The following SAMD4A variants were observed in gnomAD, a reference collection of about 807,000 sequenced individuals.
The protein encoded by SAMD4A is sterile alpha motif domain containing 4A, also known as protein Smaug homolog 1.
Under a neutral mutation model 81.3 loss-of-function variants are expected in SAMD4A, and 33 were observed. The ratio of observed to expected loss-of-function variants is 0.41; its 90% CI spans 0.31 to 0.54. The LOEUF is 0.54. SAMD4A is among the 20% of genes least tolerant of loss of function. The probability of loss-of-function intolerance (pLI) is 0.37; values close to 1 mark genes in which losing one functional copy is unlikely to be tolerated. For synonymous variants in SAMD4A, 389 were observed against 382.1 expected (o/e 1.02, Z -0.21); for missense variants, 854 against 951.1 (o/e 0.90, Z 1.34).
At chr14:54,740,950 C>G (rs1441804760) in intron 4 of SAMD4A, among the ~76,000 whole-genome samples, 1 of 152,156 alleles carries the variant, frequency 6.6e-6, no homozygotes, top group Non-Finnish European at 1.5e-5. Flanking sequence ...AAAATGAGAT[C>G]CACAATTTAG....
intron 8 of SAMD4A, among the ~76,000 whole-genome samples, chr14:54,765,816 C>T (rs185142803): frequency 1.3e-5 from 2 of 152,120 alleles, no homozygotes; most frequent in Non-Finnish European, 1.5e-5. Flanking sequence ...GAAGTTCTCA[C>T]GGCCCTCACC....
Position 54,603,746 on chromosome 14 carries a change from C to A in SAMD4A, c.196+35634C>A, listed in dbSNP as rs1594720378. Among the ~76,000 whole-genome samples, 5 of 145,360 alleles carry A rather than the reference C, an allele frequency of 3.4e-5. No individual in the cohort carries two copies. The South Asian group carries it at 1.1e-3, about 31-fold the overall frequency. On this transcript the variant is annotated intron_variant, in intron 2 of 12. Transcript: ENST00000554335. Reference sequence around the variant, plus strand: ...TTGGTGCATTCAGCATCCTAGAAGGCCTTTTCTTTAAAAAAAAAAAAAAGA... The same window carrying A: ...TTGGTGCATTCAGCATCCTAGAAGGACTTTTCTTTAAAAAAAAAAAAAAGA...
intron 2 of SAMD4A, among the ~76,000 whole-genome samples, chr14:54,598,086 G>A (rs1355804954): frequency 6.6e-6 from 1 of 152,118 alleles, no homozygotes; most frequent in African/African-American, 2.4e-5. Flanking sequence ...ATCTTGTTGG[G>A]GACACAGTCT....
rs531031457 is a variant in SAMD4A, at chr14:54,590,015, A to G, written c.196+21903A>G. On this transcript the variant is annotated intron_variant, in intron 2 of 12. Transcript: ENST00000554335. ...AACCGTATGCTAGAACGTAAGGTCCATGAGATGAGGGTGCTGTCGATTTTG... is the reference window on the plus strand; with the variant it reads ...AACCGTATGCTAGAACGTAAGGTCCGTGAGATGAGGGTGCTGTCGATTTTG... Among the ~76,000 whole-genome samples the G allele has an allele frequency of 1.3e-3, 192 of 152,364 alleles. 1 individual carries two copies. The highest frequency in any genetic ancestry group is 3.4e-3 in the Middle Eastern group (1 of 294).
intron 3 of SAMD4A, among the ~76,000 whole-genome samples, chr14:54,706,280 CAAAA>C (rs112193724): frequency 6.3e-5 from 7 of 110,400 alleles, no homozygotes; most frequent in East Asian, 5.0e-4. Context: ...GACTTAGTCT[CAAAA>C]AAAAAAAAAA....
chr14:54,651,932 T>C (rs1020243952), intron 2 of SAMD4A, among the ~76,000 whole-genome samples: 8 of 152,244 alleles, frequency 5.3e-5, no homozygotes, highest in African/African-American at 1.7e-4. Flanking sequence ...TCCAGGACCG[T>C]ATCCTTTAGG....
Position 54,567,862 on chromosome 14 carries a change from C to A in SAMD4A, c.-55C>A. The A allele has an allele frequency of 8.0e-7, 1 of 1,249,468 alleles. No individual in the cohort carries two copies. The allele number at this position is 1,249,468 out of a possible 1,614,324, so 77.4% of individuals were successfully genotyped here. A position where few individuals can be genotyped will look rare whatever the true frequency, so the allele number is the denominator to read the frequency against. On this transcript the variant is annotated 5_prime_UTR_variant, in exon 2 of 13. Transcript: ENST00000554335. ...CGGCTCCGCCAAACTTTGGGGCGGG[C>A]GGGGCGGGCTGGGGCGCCCAGGGGG...
At chr14:54,588,459 C>T (rs1001343393) in intron 2 of SAMD4A, among the ~76,000 whole-genome samples, 4 of 151,848 alleles carry the variant, frequency 2.6e-5, no homozygotes, top group Non-Finnish European at 4.4e-5. Flanking sequence ...TTCTCCAGTT[C>T]CATGAGGTGT....
rs531561864 is a variant in SAMD4A, at chr14:54,750,726, A to G, written c.1090-725A>G. On this transcript the variant is annotated intron_variant, in intron 5 of 12. Transcript: ENST00000554335. ...GTAAAAACACAGGGAGGGTTTGAGAAAGCCATGAATATCTATATGGGGTTG... is the reference window on the plus strand; with the variant it reads ...GTAAAAACACAGGGAGGGTTTGAGAGAGCCATGAATATCTATATGGGGTTG... Among the ~76,000 whole-genome samples the G allele has an allele frequency of 3.0e-3, 454 of 152,328 alleles. 5 individuals carry two copies. Among genetic ancestry groups the G allele is most frequent in the Non-Finnish European group, 5.4e-3 (368 of 68,026 alleles).
Position 54,792,174 on chromosome 14 carries a change from C to T in SAMD4A, c.*3230C>T, listed in dbSNP as rs1219641575. On this transcript the variant is annotated 3_prime_UTR_variant, in exon 13 of 13. Coordinates refer to ENST00000554335, the MANE Select transcript of SAMD4A (RefSeq NM_015589.6). ...GTTTTTTCACATGCTTTTGAGTTTTCACTTTTTAAACGAGAGCCAGCAAGC... is the reference window on the plus strand; with the variant it reads ...GTTTTTTCACATGCTTTTGAGTTTTTACTTTTTAAACGAGAGCCAGCAAGC... The T allele has an allele frequency of 6.6e-6, 1 of 152,200 alleles. No homozygotes were observed. The highest frequency in any genetic ancestry group is 6.5e-5 in the Admixed American group (1 of 15,278). 9.4% of individuals were successfully genotyped at this position (152,200 alleles called of 1,614,324 possible).
chr14:54,682,874 G>C (rs929899365), intron 2 of SAMD4A, among the ~76,000 whole-genome samples: 47 of 152,304 alleles, frequency 3.1e-4, no homozygotes, highest in African/African-American at 1.1e-3. Flanking sequence ...GGAAATGAAT[G>C]AACAAGGATA....
At chr14:54,676,007 C>CTA (rs2035985392) in intron 2 of SAMD4A, among the ~76,000 whole-genome samples, 1 of 152,194 alleles carries the variant, frequency 6.6e-6, no homozygotes, top group South Asian at 2.1e-4. Flanking sequence ...CTCAGTTAAT[C>CTA]TATTCATCTG....
intron 3 of SAMD4A, among the ~76,000 whole-genome samples, chr14:54,717,765 T>G (rs1407792855): frequency 6.6e-6 from 1 of 152,160 alleles, no homozygotes. Context: ...AAAGTGGATC[T>G]GAACTACAGA....
intron 2 of SAMD4A, among the ~76,000 whole-genome samples, chr14:54,596,768 C>G (rs1470752415): frequency 6.6e-6 from 1 of 152,124 alleles, no homozygotes; most frequent in African/African-American, 2.4e-5. Context: ...CAAATGAACC[C>G]CAGGGAACCA....
intron 2 of SAMD4A, among the ~76,000 whole-genome samples, chr14:54,636,414 G>A (rs992484299): frequency 1.1e-4 from 17 of 152,146 alleles, no homozygotes; most frequent in Non-Finnish European, 8.8e-5. Flanking sequence ...AAGCCCTTTG[G>A]CTTCCACACT....
intron 6 of SAMD4A, among the ~76,000 whole-genome samples, chr14:54,755,618 C>T (rs1000926393): frequency 7.9e-5 from 12 of 152,082 alleles, no homozygotes; most frequent in African/African-American, 2.9e-4. Context: ...CTGAAATTGG[C>T]CCTCAGCAGG....
chr14:54,750,882 T>C (rs553562991), intron 5 of SAMD4A, among the ~76,000 whole-genome samples: 1 of 152,322 alleles, frequency 6.6e-6, no homozygotes, highest in African/African-American at 2.4e-5. Flanking sequence ...CTGTTCCACA[T>C]CTCTCTCTAA....
chr14:54,635,213 A>G (rs1194713458), intron 2 of SAMD4A, among the ~76,000 whole-genome samples: 1 of 152,146 alleles, frequency 6.6e-6, no homozygotes, highest in East Asian at 1.9e-4. Flanking sequence ...ACTTGAGGAC[A>G]GGAGTTCAAG....
At chr14:54,629,731 T>A (rs1429317736) in intron 2 of SAMD4A, among the ~76,000 whole-genome samples, 3 of 152,206 alleles carry the variant, frequency 2.0e-5, no homozygotes, top group Non-Finnish European at 4.4e-5. Context: ...AGTTCAGTGG[T>A]ATGAAGTGCA....
Sources: allele counts gnomAD v4.1 joint callset (sites outside exome capture counted in the v4.1 genomes callset), GRCh38; gene constraint gnomAD v4.1.1; transcripts MANE v1.5; gene names NCBI Gene and HGNC (gene_info 2026-07-23, HGNC 2026-07-21).